The following LSM8 variants were observed in gnomAD, a reference collection of about 807,000 sequenced individuals.
LSM8 encodes the protein LSM8 homolog, U6 small nuclear RNA associated, also known as LSM8 U6 small nuclear RNA associated.
LSM8 carries 14 observed loss-of-function variants against 15.0 expected under a neutral mutation model. The ratio of observed to expected loss-of-function variants is 0.93; its 90% CI spans 0.62 to 1.46. LSM8 has a LOEUF of 1.46. Ranked by LOEUF, LSM8 falls within the 40% of genes most tolerant of loss-of-function variation. The probability of loss-of-function intolerance (pLI) is 0.00; values close to 1 mark genes in which losing one functional copy is unlikely to be tolerated. For missense variants in LSM8, 90 were observed against 115.4 expected (o/e 0.78, Z 1.01); for synonymous variants, 50 against 42.1 (o/e 1.19, Z -0.73).
chr7:118,188,165 C>T (rs370806073), intron 2 of LSM8, 113 bp from the exon 3 acceptor site: 49 of 1,197,778 alleles, frequency 4.1e-5, no homozygotes, highest in South Asian at 3.5e-4. Context: ...TATTTGCCGT[C>T]GTATAGGTAC....
Position 118,191,903 on chromosome 7 carries a change from CTT to C in LSM8, c.201-4_201-3del. On this transcript the variant is annotated splice_polypyrimidine_tract_variant and splice_region_variant and intron_variant, in intron 3 of 3. Transcript: ENST00000249299. Reference sequence around the variant, plus strand: ...AGAAATGTGATTGTTTTAACTCTGACTTTTTTAGTGCAGTCATTGGAGAAATC... The same window carrying C: ...AGAAATGTGATTGTTTTAACTCTGACTTTTAGTGCAGTCATTGGAGAAATC... 2 of 1,599,550 alleles carry C rather than the reference CTT, an allele frequency of 1.3e-6. No homozygotes were observed. The highest frequency in any genetic ancestry group is 8.5e-7 in the Non-Finnish European group (1 of 1,170,324).
At position 118,196,674 on chromosome 7, in the gene LSM8, GTTTC is replaced by G. The variant is rs1417776790; in HGVS notation, c.*4676_*4679del. Among the ~76,000 whole-genome samples the G allele has an allele frequency of 2.1e-5, 3 of 146,340 alleles. No individual in the cohort carries two copies. Among genetic ancestry groups the G allele is most frequent in the African/African-American group, 7.5e-5 (3 of 39,932 alleles). ...CTTTTCATTTCCTTCTTTTTTTAAT[GTTTC>G]TTTTTTTTTAAGTCCTTTAATTTTT... On this transcript the variant is annotated 3_prime_UTR_variant, in exon 4 of 4. Transcript: ENST00000249299.
Position 118,199,510 on chromosome 7 carries a change from A to G in LSM8, c.*7508A>G, listed in dbSNP as rs190682938. 9.2e-5 allele frequency among the ~76,000 whole-genome samples: 14 copies of G among 152,300 alleles called. No homozygotes were observed. The highest frequency in any genetic ancestry group is 5.2e-4 in the Admixed American group (8 of 15,280). ...ACATTTTCATGTCAGATTTTCAGAT[A>G]TGATAAAGGCTGGAAGTACAGAGTT... On this transcript the variant is annotated 3_prime_UTR_variant, in exon 4 of 4. Coordinates refer to ENST00000249299, the MANE Select transcript of LSM8 (RefSeq NM_016200.5).
Position 118,200,947 on chromosome 7 carries a change from C to T in LSM8, c.*8945C>T, listed in dbSNP as rs1164972015. Reference sequence around the variant, plus strand: ...TTAGCAAACACTTTTCACATATACACTAATATTAGTATCTAAATTATATTA... The same window carrying T: ...TTAGCAAACACTTTTCACATATACATTAATATTAGTATCTAAATTATATTA... On this transcript the variant is annotated 3_prime_UTR_variant, in exon 4 of 4. Coordinates refer to ENST00000249299, the MANE Select transcript of LSM8 (RefSeq NM_016200.5). Among the ~76,000 whole-genome samples the T allele has an allele frequency of 6.6e-6, 1 of 151,988 alleles. No homozygotes were observed. Among genetic ancestry groups the T allele is most frequent in the African/African-American group, 2.4e-5 (1 of 41,394 alleles).
chr7:118,196,700 T>TTTTTTTTATTTATTTATTTA lies in LSM8; in HGVS notation c.*4701_*4702insTTTTATTTATTTATTTATTT. Among the ~76,000 whole-genome samples, 1 of 129,806 alleles carries TTTTTTTTATTTATTTATTTA rather than the reference T, an allele frequency of 7.7e-6. No individual in the cohort carries two copies. Among genetic ancestry groups the TTTTTTTTATTTATTTATTTA allele is most frequent in the East Asian group, 2.2e-4 (1 of 4,462 alleles). 85.2% of individuals were successfully genotyped at this position (129,806 alleles called of 152,430 possible). A position where few individuals can be genotyped will look rare whatever the true frequency, so the allele number is the denominator to read the frequency against. ...TTTCTTTTTTTTTAAGTCCTTTAAT[T>TTTTTTTTATTTATTTATTTA]TTTATTTATTTATTTATTTATTTAT... On this transcript the variant is annotated 3_prime_UTR_variant, in exon 4 of 4. Transcript: ENST00000249299.
In LSM8 at chr7:118,200,445, C is replaced by T. The variant is rs558010766; in HGVS notation, c.*8443C>T. ...AGAGCAATATTCACATGACATCTTTCGGATCTGGAATCTTAATTACCATTA... is the reference window on the plus strand; with the variant it reads ...AGAGCAATATTCACATGACATCTTTTGGATCTGGAATCTTAATTACCATTA... On this transcript the variant is annotated 3_prime_UTR_variant, in exon 4 of 4. Coordinates refer to ENST00000249299, the MANE Select transcript of LSM8 (RefSeq NM_016200.5). 1.4e-3 allele frequency among the ~76,000 whole-genome samples: 206 copies of T among 152,202 alleles called. 1 individual carries two copies. The highest frequency in any genetic ancestry group is 7.9e-4 in the Non-Finnish European group (54 of 68,000).
At chr7:118,187,293 T>C (rs1306230376) in intron 2 of LSM8, among the ~76,000 whole-genome samples, 3 of 152,244 alleles carry the variant, frequency 2.0e-5, no homozygotes. Context: ...CAATGTTAGT[T>C]GATATTTCTT....
chr7:118,200,973 A>T lies in LSM8; in HGVS notation c.*8971A>T, dbSNP rs959788095. Among the ~76,000 whole-genome samples, 14 of 152,136 alleles carry T rather than the reference A, an allele frequency of 9.2e-5. No individual in the cohort carries two copies. The highest frequency in any genetic ancestry group is 3.4e-4 in the African/African-American group (14 of 41,444). ...TAATATTAGTATCTAAATTATATTA[A>T]AATCTAATTTGGTAGCAATTGACTT... On this transcript the variant is annotated 3_prime_UTR_variant, in exon 4 of 4. Transcript: ENST00000249299.
rs946674735 is a variant in LSM8, at chr7:118,194,120, G to A, written c.*2118G>A. The stretch of plus-strand genomic sequence containing the variant: ...TTATTTTTGCATGAGAATTGTAAGG[G>A]AGCCACAACCATGAGTAGTAACATA... On this transcript the variant is annotated 3_prime_UTR_variant, in exon 4 of 4. Transcript: ENST00000249299. 6.6e-6 allele frequency among the ~76,000 whole-genome samples: 1 copy of A among 152,048 alleles called. No homozygotes were observed. The highest frequency in any genetic ancestry group is 2.4e-5 in the African/African-American group (1 of 41,408).
rs767045540 is a variant in LSM8, at chr7:118,184,176, C to G, written c.-48C>G. 4 of 1,544,360 alleles carry G rather than the reference C, an allele frequency of 2.6e-6. No homozygotes were observed. The highest frequency in any genetic ancestry group is 3.5e-6 in the Non-Finnish European group (4 of 1,143,874). On this transcript the variant is annotated 5_prime_UTR_variant, in exon 1 of 4. Coordinates refer to ENST00000249299, the MANE Select transcript of LSM8 (RefSeq NM_016200.5). ...GTTCTGGCGCGCCCTTTCAGTTCTG[C>G]TTGCTGTCGGCACCGCTGCGTTACC...
At chr7:118,189,021 T>G (rs1808931329) in intron 3 of LSM8, 1 of 152,280 alleles carries the variant, frequency 6.6e-6, no homozygotes, top group Non-Finnish European at 1.5e-5. Context: ...TCCCAGCACT[T>G]TGGGAGTCTG....
rs1808992236 is a variant in LSM8 at position 118,192,105 on chromosome 7, C to G, written c.*103C>G. The G allele has an allele frequency of 1.5e-6, 1 of 687,010 alleles. No homozygotes were observed. Among genetic ancestry groups the G allele is most frequent in the East Asian group, 3.0e-5 (1 of 32,842 alleles). 42.6% of individuals were successfully genotyped at this position (687,010 alleles called of 1,614,324 possible). ...ATGAGTGTGTCACTGGATTTTGACT[C>G]CTTATTGATTCATTGTAATATGTAA... is the stretch of plus-strand genomic sequence containing the variant. On this transcript the variant is annotated 3_prime_UTR_variant, in exon 4 of 4. Coordinates refer to ENST00000249299, the MANE Select transcript of LSM8 (RefSeq NM_016200.5).
rs1013936487 is a variant in LSM8, at chr7:118,201,577, C to T, written c.*9575C>T. On this transcript the variant is annotated 3_prime_UTR_variant, in exon 4 of 4. Transcript: ENST00000249299. ...ATCAGTAAGTTTGATATAAAAAGCT[C>T]AGTAAAATTCATTAATTTGAGAATG... Among the ~76,000 whole-genome samples, 1 of 151,994 alleles carries T rather than the reference C, an allele frequency of 6.6e-6. No individual in the cohort carries two copies. The highest frequency in any genetic ancestry group is 1.5e-5 in the Non-Finnish European group (1 of 67,978).
Position 118,196,534 on chromosome 7 carries a change from C to T in LSM8, c.*4532C>T, listed in dbSNP as rs2115934677. Among the ~76,000 whole-genome samples the T allele has an allele frequency of 6.6e-6, 1 of 152,114 alleles. No homozygotes were observed. Among genetic ancestry groups the T allele is most frequent in the East Asian group, 1.9e-4 (1 of 5,182 alleles). Reference sequence around the variant, plus strand: ...TATGCCATCTCCTACTTACTGGCATCATCTGGGGAATGAAGGAGCTGAGAA... The same window carrying T: ...TATGCCATCTCCTACTTACTGGCATTATCTGGGGAATGAAGGAGCTGAGAA... On this transcript the variant is annotated 3_prime_UTR_variant, in exon 4 of 4. Coordinates refer to ENST00000249299, the MANE Select transcript of LSM8 (RefSeq NM_016200.5).
At position 118,192,169 on chromosome 7, in the gene LSM8, T is replaced by A. The variant is rs1297763138; in HGVS notation, c.*167T>A. The A allele has an allele frequency of 1.9e-5, 8 of 426,034 alleles. No individual in the cohort carries two copies. The highest frequency in any genetic ancestry group is 1.2e-4 in the African/African-American group (6 of 48,812). 26.4% of individuals were successfully genotyped at this position (426,034 alleles called of 1,614,324 possible). A position where few individuals can be genotyped will look rare whatever the true frequency, so the allele number is the denominator to read the frequency against. On this transcript the variant is annotated 3_prime_UTR_variant, in exon 4 of 4. Transcript: ENST00000249299. ...TACATTTTATTGAAAAAAAAACCTT[T>A]TTTTTTGCCTAAATATAAGTTTGGT...
At position 118,197,664 on chromosome 7, in the gene LSM8, T is replaced by C. The variant is rs184075717; in HGVS notation, c.*5662T>C. On this transcript the variant is annotated 3_prime_UTR_variant, in exon 4 of 4. Coordinates refer to ENST00000249299, the MANE Select transcript of LSM8 (RefSeq NM_016200.5). Reference sequence around the variant, plus strand: ...CTGACTTGGATAAGCTTTATTTTAATTGTGATTCTGCTAATTACAGAGACA... The same window carrying C: ...CTGACTTGGATAAGCTTTATTTTAACTGTGATTCTGCTAATTACAGAGACA... Among the ~76,000 whole-genome samples the C allele has an allele frequency of 5.8e-4, 88 of 152,358 alleles. No homozygotes were observed. Among genetic ancestry groups the C allele is most frequent in the African/African-American group, 2.0e-3 (85 of 41,580 alleles).
At chr7:118,188,084 C>T (rs1250658257) in intron 2 of LSM8, among the ~76,000 whole-genome samples, 194 bp from the exon 3 acceptor site, 1 of 152,104 alleles carries the variant, frequency 6.6e-6, no homozygotes, top group Non-Finnish European at 1.5e-5. Context: ...TGCAGGTCCC[C>T]CCACCCCAGC....
intron 1 of LSM8, chr7:118,184,530 T>G (rs1808851085): frequency 2.8e-6 from 1 of 362,540 alleles, no homozygotes; most frequent in African/African-American, 2.1e-5. Flanking sequence ...ACGCTCTTGA[T>G]TCTTACTTAC....
In LSM8 at chr7:118,202,918, G is replaced by C. The variant is rs1809192570; in HGVS notation, c.*10916G>C. ...TCATATGCACATTAAAGTTTGAGAAGCACTGATCTATACTGTCTTTCTACA... is the reference window on the plus strand; with the variant it reads ...TCATATGCACATTAAAGTTTGAGAACCACTGATCTATACTGTCTTTCTACA... On this transcript the variant is annotated 3_prime_UTR_variant, in exon 4 of 4. Transcript: ENST00000249299. Among the ~76,000 whole-genome samples the C allele has an allele frequency of 6.6e-6, 1 of 151,824 alleles. No individual in the cohort carries two copies. The highest frequency in any genetic ancestry group is 1.5e-5 in the Non-Finnish European group (1 of 67,908).
Sources: gnomAD v4.1 joint callset for allele counts (sites outside exome capture counted in the v4.1 genomes callset) on GRCh38, gnomAD v4.1.1 for gene constraint, MANE v1.5 for transcripts, NCBI Gene and HGNC (gene_info 2026-07-23, HGNC 2026-07-21) for gene names.